Variants in NPR2 observed in about 807,000 individuals in gnomAD.
NPR2 encodes the protein natriuretic peptide receptor 2, also known as atrial natriuretic peptide receptor 2.
NPR2 carries 49 observed loss-of-function variants against 120.7 expected under a neutral mutation model. The ratio of observed to expected loss-of-function variants is 0.41; its 90% CI spans 0.32 to 0.52. NPR2 has a LOEUF of 0.52. Among genes scored for constraint, NPR2 ranks in the 20% least tolerant of loss-of-function variants. The pLI is 0.36. For missense variants in NPR2, 931 were observed against 1,362.9 expected, an observed-to-expected ratio of 0.68 and a Z score of 4.99; for synonymous variants, 484 against 519.8, an observed-to-expected ratio of 0.93 and a Z score of 0.94.
intron 2 of NPR2, among the ~76,000 whole-genome samples, 193 bp from the exon 3 acceptor site, chr9:35,799,417 AACACACAC>A (rs10603903): frequency 8.8e-5 from 13 of 147,544 alleles, no homozygotes; most frequent in East Asian, 4.0e-4. Flanking sequence ...TATGCAACAC[AACACACAC>A]ACACACACAC....
At chr9:35,803,008 T>G (rs529909969) in intron 12 of NPR2, among the ~76,000 whole-genome samples, 99 of 152,354 alleles carry the variant, frequency 6.5e-4, no homozygotes, top group South Asian at 1.2e-3. Flanking sequence ...GTCCTGTGCC[T>G]GTAGAGAGTT....
intron 2 of NPR2, among the ~76,000 whole-genome samples, chr9:35,794,435 G>T (rs557286332): frequency 6.6e-6 from 1 of 152,338 alleles, no homozygotes; most frequent in African/African-American, 2.4e-5. Flanking sequence ...ACCCTTTATG[G>T]AGAGGTGAGG....
intron 1 of NPR2, 102 bp from the exon 2 acceptor site, chr9:35,793,796 C>G (rs759182265): frequency 9.0e-6 from 11 of 1,220,256 alleles, no homozygotes; most frequent in Non-Finnish European, 9.7e-6. Context: ...AGGGCACTCT[C>G]TTTCTTGCTG....
chr9:35,800,980 C>T lies in NPR2; in HGVS notation c.1352-90C>T. On this transcript the variant is annotated intron_variant, in intron 6 of 21. Transcript: ENST00000342694. This position sits in a 1 kb window ranked among gnomAD's most constrained non-coding sequence, Gnocchi z 4.7. ...CTCCCTCCTCATTTCTTCCTACTCC[C>T]AAGGAGTCTGTCTATGCACCTATGC... 1 of 1,522,004 alleles carries T rather than the reference C, an allele frequency of 6.6e-7. No individual in the cohort carries two copies. 94.3% of individuals were successfully genotyped at this position (1,522,004 alleles called of 1,614,324 possible).
chr9:35,802,166 T>C lies in NPR2; in HGVS notation c.1633-40T>C, dbSNP rs1828192201. The C allele has an allele frequency of 7.1e-7, 1 of 1,404,910 alleles. No individual in the cohort carries two copies. The allele number at this position is 1,404,910 out of a possible 1,614,324, so 87.0% of individuals were successfully genotyped here. A position where few individuals can be genotyped will look rare whatever the true frequency, so the allele number is the denominator to read the frequency against. The stretch of plus-strand genomic sequence containing the variant: ...AGCATTTCCTTGTACCCAGAACTTC[T>C]GATATTCACTTTCCTTTCCCCTTTC... On this transcript the variant is annotated intron_variant, in intron 9 of 21. Coordinates refer to ENST00000342694, the MANE Select transcript of NPR2 (RefSeq NM_003995.4). This position sits in a 1 kb window ranked among gnomAD's most constrained non-coding sequence, Gnocchi z 4.2.
rs1430700397 is a variant in NPR2, at chr9:35,792,792, T to G, written c.384T>G (p.Gly128=). ...PLLTAGAVAS[G]FSAKNDHYRT... is the part of the protein sequence containing the mutation. Reference sequence around the variant, plus strand: ...TGACTGCGGGTGCTGTGGCCTCTGGTTTTTCGGCTAAGAATGACCATTATC... The same window carrying G: ...TGACTGCGGGTGCTGTGGCCTCTGGGTTTTCGGCTAAGAATGACCATTATC... The change falls in exon 1 of 22, where the codon GGT becomes GGG. Residue 128 remains glycine (G), a synonymous_variant. Transcript: ENST00000342694. 1.9e-6 allele frequency: 3 copies of G among 1,614,038 alleles called. No homozygotes were observed. In the Admixed American group the frequency reaches 5.0e-5, roughly 27 times the overall value.
At chr9:35,798,522 A>G (rs1828016678) in intron 2 of NPR2, among the ~76,000 whole-genome samples, 1 of 152,270 alleles carries the variant, frequency 6.6e-6, no homozygotes, top group Non-Finnish European at 1.5e-5. Flanking sequence ...ATTGATACAT[A>G]ATAGGCCATA....
chr9:35,805,500 G>A lies in NPR2; in HGVS notation c.1888-11G>A. On this transcript the variant is annotated splice_polypyrimidine_tract_variant and intron_variant, in intron 12 of 21. Transcript: ENST00000342694. The surrounding 1 kb of genome is among the most constrained non-coding windows in gnomAD (Gnocchi z 4.9). ...ATGATCCAATCCCATGACTTGATCTGTACCCTGCAGGGCATGGCCTTTCTC... is the reference window on the plus strand; with the variant it reads ...ATGATCCAATCCCATGACTTGATCTATACCCTGCAGGGCATGGCCTTTCTC... The A allele has an allele frequency of 1.2e-6, 2 of 1,614,026 alleles. No homozygotes were observed. Among genetic ancestry groups the A allele is most frequent in the East Asian group, 2.2e-5 (1 of 44,884 alleles).
In NPR2 at chr9:35,801,085, T is replaced by C. The variant is rs746462699; in HGVS notation, c.1367T>C (p.Leu456Pro). 5 of 1,614,046 alleles carry C rather than the reference T, an allele frequency of 3.1e-6. No homozygotes were observed. In the Admixed American group the frequency reaches 6.7e-5, roughly 22 times the overall value. ...PSCDKTPLSTLAIVALGTGIT... is the reference protein window; with the variant it reads ...PSCDKTPLSTPAIVALGTGIT... ...TCCCCTTCAGCTCCACTTTCAACCC[T>C]GGCAATTGTGGCTCTGGGCACAGGA... Residue 456 changes from leucine to proline, a missense_variant, in exon 7 of 22, where the codon CTG becomes CCG. By Grantham distance (98) the Leu-to-Pro change is moderately conservative. Coordinates refer to ENST00000342694, the MANE Select transcript of NPR2 (RefSeq NM_003995.4).
In NPR2 at chr9:35,802,320, T is replaced by C. The variant is rs771131349; in HGVS notation, c.1710+37T>C. 2.2e-5 allele frequency: 28 copies of C among 1,253,496 alleles called. No individual in the cohort carries two copies. The Middle Eastern group carries it at 9.3e-4, about 42-fold the overall frequency. 77.6% of individuals were successfully genotyped at this position (1,253,496 alleles called of 1,614,324 possible). The stretch of plus-strand genomic sequence containing the variant: ...AGGATGGACTCTAACATGTATGTAA[T>C]GGAGGAGTGGGGAAAACTATGAAAT... On this transcript the variant is annotated intron_variant, in intron 10 of 21. Coordinates refer to ENST00000342694, the MANE Select transcript of NPR2 (RefSeq NM_003995.4). The surrounding 1 kb of genome is among the most constrained non-coding windows in gnomAD (Gnocchi z 4.2).
In NPR2 at chr9:35,809,661, G is replaced by A; in HGVS notation, c.*216G>A. On this transcript the variant is annotated 3_prime_UTR_variant, in exon 22 of 22. Transcript: ENST00000342694. The surrounding 1 kb of genome is among the most constrained non-coding windows in gnomAD (Gnocchi z 4.1). ...TTGGTCCCCTTCCTCCCTACTTTCTGTAAATATCTGTATCTAAACCAGAAT... is the reference window on the plus strand; with the variant it reads ...TTGGTCCCCTTCCTCCCTACTTTCTATAAATATCTGTATCTAAACCAGAAT... 9.0e-7 allele frequency: 1 copy of A among 1,111,308 alleles called. No individual in the cohort carries two copies. The highest frequency in any genetic ancestry group is 1.2e-5 in the South Asian group (1 of 80,352). 68.8% of individuals were successfully genotyped at this position (1,111,308 alleles called of 1,614,324 possible).
In NPR2 at chr9:35,801,911, T is replaced by C. The variant is rs920561356; in HGVS notation, c.1558-15T>C. ...TCCTTTCATCCTTCCGCCTCCATGT[T>C]GCCCTTGGCCCCAGCGGGGATCCAG... is the stretch of plus-strand genomic sequence containing the variant. On this transcript the variant is annotated splice_polypyrimidine_tract_variant and intron_variant, in intron 8 of 21. Transcript: ENST00000342694. 1 of 1,613,772 alleles carries C rather than the reference T, an allele frequency of 6.2e-7. No individual in the cohort carries two copies. The highest frequency in any genetic ancestry group is 2.2e-5 in the East Asian group (1 of 44,896).
chr9:35,799,733 T>C lies in NPR2; in HGVS notation c.987+2T>C. On this transcript the variant is annotated splice_donor_variant, in intron 3 of 21. Transcript: ENST00000342694. LOFTEE classifies it high-confidence loss of function. The stretch of plus-strand genomic sequence containing the variant: ...GGTGTGGAGCTGGGCCCTTCCCTGG[T>C]AAGTAGATCTCTCCCTTCCTGAGAG... 6.2e-7 allele frequency: 1 copy of C among 1,605,844 alleles called. No individual in the cohort carries two copies. The highest frequency in any genetic ancestry group is 8.5e-7 in the Non-Finnish European group (1 of 1,172,610).
At position 35,802,287 on chromosome 9, in the gene NPR2, T is replaced by C. The variant is rs1243003680; in HGVS notation, c.1710+4T>C. On this transcript the variant is annotated splice_donor_region_variant and intron_variant, in intron 10 of 21. Transcript: ENST00000342694. This position sits in a 1 kb window ranked among gnomAD's most constrained non-coding sequence, Gnocchi z 4.2. ...GGTTCTGTTTGAACTCAAACATGTATGTAACAGAGGATGGACTCTAACATG... is the reference window on the plus strand; with the variant it reads ...GGTTCTGTTTGAACTCAAACATGTACGTAACAGAGGATGGACTCTAACATG... 1 of 1,533,744 alleles carries C rather than the reference T, an allele frequency of 6.5e-7. No homozygotes were observed. The highest frequency in any genetic ancestry group is 1.7e-5 in the Admixed American group (1 of 59,916).
At chr9:35,804,179 C>G (rs1021043638) in intron 12 of NPR2, among the ~76,000 whole-genome samples, 16 of 151,766 alleles carry the variant, frequency 1.1e-4, no homozygotes, top group Non-Finnish European at 2.9e-5. Flanking sequence ...TCTGTCTCAC[C>G]TGAACTGACT....
chr9:35,806,139 G>A lies in NPR2; in HGVS notation c.2278G>A (p.Glu760Lys). The A allele has an allele frequency of 6.2e-7, 1 of 1,614,244 alleles. No individual in the cohort carries two copies. The highest frequency in any genetic ancestry group is 1.6e-4 in the Middle Eastern group (1 of 6,062). The change falls in exon 15 of 22, where the codon GAG (glutamate) becomes AAG (lysine). Residue 760 changes from glutamate to lysine, a missense_variant. By Grantham distance (56) the Glu-to-Lys change is moderately conservative (BLOSUM62 1). Coordinates refer to ENST00000342694, the MANE Select transcript of NPR2 (RefSeq NM_003995.4). This position sits in a 1 kb window ranked among gnomAD's most constrained non-coding sequence, Gnocchi z 4.6. ...CATTGACCGGACCCAACTGAATGAA[G>A]AGCTAGTTTTGCTGATGGAGCGATG... ...PSIDRTQLNE[E>K]LVLLMERCWA...
rs115060806 is a variant in NPR2, at chr9:35,799,716, G to A, written c.972G>A (p.Glu324=). ...GAGCCCGGGAAGACTTTGGTGTGGA[G>A]CTGGGCCCTTCCCTGGTAAGTAGAT... ...LIRAREDFGV[E]LGPSLMNLIA... is the part of the protein sequence containing the mutation. Residue 324 remains glutamate (E), a synonymous_variant, in exon 3 of 22, where the codon GAG becomes GAA. Coordinates refer to ENST00000342694, the MANE Select transcript of NPR2 (RefSeq NM_003995.4). 28 of 1,613,640 alleles carry A rather than the reference G, an allele frequency of 1.7e-5. No homozygotes were observed. Among genetic ancestry groups the A allele is most frequent in the Non-Finnish European group, 2.2e-5 (26 of 1,179,666 alleles).
chr9:35,799,478 A>G, intron 2 of NPR2, 140 bp from the exon 3 acceptor site: 1 of 694,546 alleles, frequency 1.4e-6, no homozygotes, highest in Non-Finnish European at 2.7e-6. Context: ...AGAGGTTAGT[A>G]GCCCTTTCAA....
At chr9:35,804,654 G>A (rs1429214890) in intron 12 of NPR2, among the ~76,000 whole-genome samples, 3 of 152,186 alleles carry the variant, frequency 2.0e-5, no homozygotes, top group African/African-American at 7.2e-5. Context: ...GGTTTATGAT[G>A]TTCTGCACTT....
Sources: allele counts gnomAD v4.1 joint callset (sites outside exome capture counted in the v4.1 genomes callset), GRCh38; gene constraint gnomAD v4.1.1; non-coding constraint Gnocchi (gnomAD v3.1); transcripts MANE v1.5; gene names NCBI Gene and HGNC (gene_info 2026-07-23, HGNC 2026-07-21).